TRIM5: variants seen among roughly 807,000 people sequenced by gnomAD.
TRIM5 encodes the protein tripartite motif containing 5.
A neutral mutation model predicts 35.6 loss-of-function variants in TRIM5; 31 were observed. That is an observed-to-expected ratio of 0.87 (90% CI 0.65 to 1.18). The LOEUF is 1.18. TRIM5 is among the 50% of genes most tolerant of loss of function. The probability of loss-of-function intolerance (pLI) is 0.00; values close to 1 mark genes in which losing one functional copy is unlikely to be tolerated. For synonymous variants in TRIM5, 243 were observed against 215.6 expected, an observed-to-expected ratio of 1.13 and a Z score of -1.11; for missense variants, 609 against 591.6, an observed-to-expected ratio of 1.03 and a Z score of -0.31.
chr11:5,665,746 C>G, intron 6 of TRIM5, 64 bp from the exon 7 acceptor site: 1 of 1,473,742 alleles, frequency 6.8e-7, no homozygotes, highest in Non-Finnish European at 8.9e-7. Context: ...AATTCATTTT[C>G]TCTCCAGATT....
intron 4 of TRIM5, among the ~76,000 whole-genome samples, chr11:5,676,192 T>G (rs1015981048): frequency 2.0e-5 from 3 of 151,892 alleles, no homozygotes; most frequent in African/African-American, 7.3e-5. Context: ...AGCAGCATGA[T>G]TTATAGTCCT....
the TRIM5 span, among the ~76,000 whole-genome samples, chr11:5,592,017 A>T: frequency 6.6e-6 from 1 of 152,250 alleles, no homozygotes; most frequent in Admixed American, 6.5e-5. Context: ...ACTCACATGG[A>T]CTCTGGAGCC....
At chr11:5,633,995 G>A in the TRIM5 span, 6 of 1,337,894 alleles carry the variant, frequency 4.5e-6, no homozygotes, top group South Asian at 2.7e-5. Flanking sequence ...CATTGCATGA[G>A]TCCTGAAGCC....
the TRIM5 span, among the ~76,000 whole-genome samples, chr11:5,605,775 TTTTA>T: frequency 6.6e-6 from 1 of 152,204 alleles, no homozygotes; most frequent in Non-Finnish European, 1.5e-5. Context: ...AAAGTCCCAT[TTTTA>T]TTTATAAAGG....
At chr11:5,632,513 TCA>T in the TRIM5 span, 1 of 1,613,986 alleles carries the variant, frequency 6.2e-7, no homozygotes, top group Non-Finnish European at 8.5e-7. Context: ...GTGTGTGGTA[TCA>T]GTTACTCATT....
At chr11:5,683,984 A>C (rs1011112917) in intron 1 of TRIM5, 2 of 153,624 alleles carry the variant, frequency 1.3e-5, no homozygotes, top group African/African-American at 4.8e-5. Context: ...TGTAACACTC[A>C]CCGCGAAGGT....
intron 4 of TRIM5, 62 bp from the exon 5 acceptor site, chr11:5,667,773 T>A: frequency 1.9e-6 from 3 of 1,569,584 alleles, no homozygotes; most frequent in Non-Finnish European, 1.7e-6. Flanking sequence ...TTATAAAGCT[T>A]CATCACATTT....
chr11:5,607,158 C>T, the TRIM5 span, among the ~76,000 whole-genome samples: 395 of 152,058 alleles, frequency 2.6e-3, 3 homozygotes, highest in South Asian at 0.013. Flanking sequence ...GAGCCGAGAT[C>T]GCACCACTGC....
In TRIM5 at chr11:5,665,098, C is replaced by T. The variant is rs1420586021; in HGVS notation, c.1193G>A (p.Gly398Asp). Residue 398 changes from glycine to aspartate, a missense_variant, in exon 8 of 8, where the codon GGC becomes GAC. By Grantham distance (94) the Gly-to-Asp change is moderately conservative. Transcript: ENST00000380034. The stretch of plus-strand genomic sequence containing the variant: ...TTCCTCTAACCCTATAACCCAGTAG[C>T]CGTATTTAGGTTGATAATTTTCATT... ...EKNENYQPKY[G>D]YWVIGLEEGV... The T allele has an allele frequency of 3.7e-6, 6 of 1,613,996 alleles. No individual in the cohort carries two copies. In the South Asian group the frequency reaches 6.6e-5, roughly 18 times the overall value.
the TRIM5 span, among the ~76,000 whole-genome samples, chr11:5,635,559 T>C: frequency 6.6e-6 from 1 of 152,078 alleles, no homozygotes; most frequent in South Asian, 2.1e-4. Context: ...CCCAGCCCCC[T>C]GTTACTTTTT....
chr11:5,596,537 C>CCCCCTTCCCCCTT, the TRIM5 span: 2 of 13,972 alleles, frequency 1.4e-4, no homozygotes. Context: ...CTTCCCCCTT[C>CCCCCTTCCCCCTT]CCCCTTCCCC....
At chr11:5,634,548 T>TATATATA in the TRIM5 span, 6 of 987,928 alleles carry the variant, frequency 6.1e-6, no homozygotes, top group African/African-American at 8.8e-5. Flanking sequence ...TATATATATA[T>TATATATA]TTCCCTACTG....
the TRIM5 span, chr11:5,634,728 A>C: frequency 6.2e-7 from 1 of 1,614,000 alleles, no homozygotes. Context: ...CAAAGATTGG[A>C]AGAAGAAGAA....
At chr11:5,662,611 C>T (rs1564902026), downstream of TRIM5, among the ~76,000 whole-genome samples, 3 of 152,146 alleles carry the variant, frequency 2.0e-5, no homozygotes, top group Admixed American at 2.0e-4. Context: ...CTCAGAAATA[C>T]TTAAAACAAC....
downstream of TRIM5, among the ~76,000 whole-genome samples, chr11:5,659,856 ATC>A (rs1249704706): frequency 2.0e-5 from 3 of 151,782 alleles, no homozygotes. Flanking sequence ...GCTGCTTCAC[ATC>A]TGTCTCAAAC....
At chr11:5,589,454 T>C in the TRIM5 span, 5 of 152,178 alleles carry the variant, frequency 3.3e-5, no homozygotes, top group Non-Finnish European at 7.3e-5. Flanking sequence ...TGTTTTCATC[T>C]CTTTGTAAAT....
At chr11:5,665,795 T>C in intron 6 of TRIM5, 113 bp from the exon 7 acceptor site, 5 of 1,433,348 alleles carry the variant, frequency 3.5e-6, no homozygotes, top group Non-Finnish European at 4.6e-6. Context: ...GGGCAGTAAA[T>C]TGCTGAATGA....
chr11:5,609,012 C>T, the TRIM5 span, among the ~76,000 whole-genome samples: 1 of 151,998 alleles, frequency 6.6e-6, no homozygotes, highest in Non-Finnish European at 1.5e-5. Flanking sequence ...CTTGGCACAT[C>T]TGCCTTAAGT....
At chr11:5,618,037 G>A in the TRIM5 span, among the ~76,000 whole-genome samples, 35,618 of 151,936 alleles carry the variant, frequency 0.23, 4,853 homozygotes, top group African/African-American at 0.39. Context: ...ACCTATTTTT[G>A]TAAATGTACT....
Sources: gnomAD v4.1 joint callset for allele counts (sites outside exome capture counted in the v4.1 genomes callset) on GRCh38, gnomAD v4.1.1 for gene constraint, MANE v1.5 for transcripts, NCBI Gene and HGNC (gene_info 2026-07-23, HGNC 2026-07-21) for gene names.